Variants in MYO5C observed in about 807,000 individuals in gnomAD.
MYO5C encodes the protein myosin VC.
In MYO5C, 194 loss-of-function variants were observed where a neutral mutation model predicts 235.7. The ratio of observed to expected loss-of-function variants is 0.82; its 90% confidence interval spans 0.73 to 0.93. The LOEUF (loss-of-function observed/expected upper bound fraction) is 0.93, where lower values mean the gene tolerates loss of function less well. Ranked by LOEUF, MYO5C falls within the 40% of genes least tolerant of loss-of-function variation. The pLI is 0.00. For missense variants in MYO5C, 2,038 were observed against 2,127.2 expected (o/e 0.96, Z 0.82); for synonymous variants, 707 against 754.8 (o/e 0.94, Z 1.04).
chr15:52,238,503 G>A (rs945662157), intron 21 of MYO5C, among the ~76,000 whole-genome samples: 1 of 152,232 alleles, frequency 6.6e-6, no homozygotes. Flanking sequence ...TTAAGGCTAA[G>A]TTTAAAGCTC....
At chr15:52,196,167 G>C (rs1051175799) in intron 39 of MYO5C, 142 bp downstream of exon 39, 5 of 619,028 alleles carry the variant, frequency 8.1e-6, no homozygotes, top group African/African-American at 3.7e-5. Context: ...TTAGATAAAA[G>C]GGTGGGCCAT....
In MYO5C at chr15:52,196,470, A is replaced by C; in HGVS notation, c.4834T>G (p.Tyr1612Asp). 1 of 1,613,350 alleles carries C rather than the reference A, an allele frequency of 6.2e-7. No individual in the cohort carries two copies. Among genetic ancestry groups the C allele is most frequent in the Non-Finnish European group, 8.5e-7 (1 of 1,179,742 alleles). Residue 1612 changes from tyrosine to aspartate, a missense_variant, in exon 39 of 41, where the codon TAC becomes GAC. Physicochemically the swap from Tyr to Asp is radical, Grantham distance 160. Transcript: ENST00000261839. ...TTATCTTTAAGCCATTCTTCTAAGTAGCTGATATTGCACCTGGAGGGAAAG... is the reference window on the plus strand; with the variant it reads ...TTATCTTTAAGCCATTCTTCTAAGTCGCTGATATTGCACCTGGAGGGAAAG... ...KGMQIRCNIS[Y>D]LEEWLKDKNL...
intron 11 of MYO5C, among the ~76,000 whole-genome samples, chr15:52,256,325 G>A (rs1304133778): frequency 6.6e-6 from 1 of 152,124 alleles, no homozygotes; most frequent in African/African-American, 2.4e-5. Flanking sequence ...AAGACAGAGA[G>A]GCTCGAAAGA....
intron 1 of MYO5C, among the ~76,000 whole-genome samples, chr15:52,286,251 C>T (rs1375940970): frequency 2.0e-5 from 3 of 151,402 alleles, no homozygotes; most frequent in African/African-American, 7.3e-5. Flanking sequence ...GGCCAGCCGC[C>T]TCGTCTGGGA....
intron 2 of MYO5C, among the ~76,000 whole-genome samples, chr15:52,281,187 G>C (rs1427759023): frequency 2.6e-5 from 4 of 152,224 alleles, no homozygotes; most frequent in Non-Finnish European, 5.9e-5. Flanking sequence ...CAGGGAGACA[G>C]AAAGGACAGA....
intron 2 of MYO5C, 83 bp downstream of exon 2, chr15:52,282,699 G>A (rs999598583): frequency 1.4e-5 from 14 of 979,898 alleles, no homozygotes; most frequent in Admixed American, 5.2e-5. Context: ...TGCCTCCCAC[G>A]GGGTCCACGT....
intron 17 of MYO5C, 123 bp downstream of exon 17, chr15:52,245,826 GGGAAAAT>G: frequency 2.5e-6 from 2 of 787,252 alleles, no homozygotes; most frequent in Non-Finnish European, 4.2e-6. Context: ...ACAGGGCAGT[GGGAAAAT>G]CTTGGGGGCA....
In MYO5C at chr15:52,259,706, C is replaced by T. The variant is rs116440121; in HGVS notation, c.1313+1156G>A. On this transcript the variant is annotated intron_variant, in intron 10 of 40. Coordinates refer to ENST00000261839, the MANE Select transcript of MYO5C (RefSeq NM_018728.4). ...AGCATTTTATAACTGTTGACACGTACTATTAATTGGGAGCCATATGTATTA... is the reference window on the plus strand; with the variant it reads ...AGCATTTTATAACTGTTGACACGTATTATTAATTGGGAGCCATATGTATTA... Among the ~76,000 whole-genome samples the T allele has an allele frequency of 3.5e-3, 539 of 152,330 alleles. 4 individuals are homozygous for T. The highest frequency in any genetic ancestry group is 0.013 in the African/African-American group (526 of 41,578).
At position 52,261,076 on chromosome 15, in the gene MYO5C, C is replaced by T; in HGVS notation, c.1099G>A (p.Gly367Ser). 1 of 1,614,192 alleles carries T rather than the reference C, an allele frequency of 6.2e-7. No individual in the cohort carries two copies. Among genetic ancestry groups the T allele is most frequent in the Admixed American group, 1.7e-5 (1 of 60,028 alleles). Residue 367 changes from glycine (G) to serine (S), a missense_variant, in exon 10 of 41, where the codon GGC becomes AGC. Physicochemically the swap from Gly to Ser is moderately conservative, Grantham distance 56. Transcript: ENST00000261839. ...TTGCACAGCCACTGAGCAACTCTGC[C>T]ACTCTCCAGGCCCAGGAGCTCACAG... The part of the protein sequence containing the change: ...VFCELLGLES[G>S]RVAQWLCNRK...
In MYO5C at chr15:52,196,464, CT is replaced by C; in HGVS notation, c.4839del (p.Glu1614LysfsTer13). Reference sequence around the variant, plus strand: ...AAGTTCTTATCTTTAAGCCATTCTTCTAAGTAGCTGATATTGCACCTGGAGG... The same window carrying C: ...AAGTTCTTATCTTTAAGCCATTCTTCAAGTAGCTGATATTGCACCTGGAGG... Reference protein sequence around the residue: ...GMQIRCNISYLEEWLKDKNLQ... With the variant: ...GMQIRCNISYXEEWLKDKNLQ... On this transcript the variant is annotated frameshift_variant, in exon 39 of 41. Transcript: ENST00000261839. LOFTEE classifies it high-confidence loss of function. 1 of 1,613,552 alleles carries C rather than the reference CT, an allele frequency of 6.2e-7. No individual in the cohort carries two copies. Among genetic ancestry groups the C allele is most frequent in the Non-Finnish European group, 8.5e-7 (1 of 1,179,814 alleles).
chr15:52,235,913 G>A (rs1185161754), intron 22 of MYO5C, 150 bp from the exon 23 acceptor site: 1 of 572,274 alleles, frequency 1.7e-6, no homozygotes, highest in Non-Finnish European at 3.1e-6. Flanking sequence ...ACCAGCCACT[G>A]TAAGACGCTG....
At position 52,256,739 on chromosome 15, in the gene MYO5C, A is replaced by T; in HGVS notation, c.1314-19T>A. 6.4e-7 allele frequency: 1 copy of T among 1,574,276 alleles called. No individual in the cohort carries two copies. Among genetic ancestry groups the T allele is most frequent in the Non-Finnish European group, 8.7e-7 (1 of 1,144,900 alleles). On this transcript the variant is annotated intron_variant, in intron 10 of 40. Transcript: ENST00000261839. ...TTCAAAACTGAAATACAATTTAAAC[A>T]AGTTAAAATATAACCTGAAGCAAGA...
At chr15:52,196,594 G>T in intron 38 of MYO5C, 111 bp from the exon 39 acceptor site, 1 of 984,576 alleles carries the variant, frequency 1.0e-6, no homozygotes, top group Non-Finnish European at 1.5e-6. Context: ...CCACAGCTCA[G>T]CAGTTACTCA....
chr15:52,262,727 C>T (rs2036722617), intron 9 of MYO5C, among the ~76,000 whole-genome samples: 1 of 152,234 alleles, frequency 6.6e-6, no homozygotes, highest in Non-Finnish European at 1.5e-5. Context: ...CAGCTCTGCT[C>T]TCTCCCCAAA....
intron 12 of MYO5C, 29 bp downstream of exon 12, chr15:52,253,287 CT>C: frequency 6.3e-7 from 1 of 1,593,656 alleles, no homozygotes; most frequent in Non-Finnish European, 8.5e-7. Flanking sequence ...TACTTAAAAG[CT>C]GAAAAAAACA....
At chr15:52,213,362 A>C in intron 33 of MYO5C, 76 bp from the exon 34 acceptor site, 6 of 1,047,616 alleles carry the variant, frequency 5.7e-6, no homozygotes, top group Non-Finnish European at 9.0e-6. Context: ...CTACTCTCCT[A>C]CCCCATTCTG....
intron 1 of MYO5C, among the ~76,000 whole-genome samples, chr15:52,287,073 G>A (rs549184882): frequency 4.0e-5 from 6 of 151,078 alleles, no homozygotes; most frequent in Non-Finnish European, 7.4e-5. Context: ...AATATAAATC[G>A]CCTTACTTAA....
At chr15:52,202,181 A>C (rs2141262516) in intron 38 of MYO5C, among the ~76,000 whole-genome samples, 1 of 152,294 alleles carries the variant, frequency 6.6e-6, no homozygotes, top group Middle Eastern at 3.4e-3. Context: ...GTTCAAGACC[A>C]GCCTGGCCAA....
intron 38 of MYO5C, 48 bp downstream of exon 38, chr15:52,204,817 A>C: frequency 1.3e-6 from 2 of 1,591,542 alleles, no homozygotes; most frequent in South Asian, 2.3e-5. Context: ...CTTCAAGAGC[A>C]TCCTTTCTGC....
Sources: gnomAD v4.1 joint callset for allele counts (sites outside exome capture counted in the v4.1 genomes callset) on GRCh38, gnomAD v4.1.1 for gene constraint, MANE v1.5 for transcripts, NCBI Gene and HGNC (gene_info 2026-07-23, HGNC 2026-07-21) for gene names.